Variants in VTI1A observed in about 807,000 individuals in gnomAD.
VTI1A encodes the protein vesicle transport through interaction with t-SNAREs 1A.
In VTI1A, 22 loss-of-function variants were observed where a neutral mutation model predicts 34.9. The ratio of observed to expected loss-of-function variants is 0.63; its 90% CI spans 0.45 to 0.90. The LOEUF is 0.90. Ranked by LOEUF, VTI1A falls within the 40% of genes least tolerant of loss-of-function variation. The pLI is 0.00. For synonymous variants in VTI1A, 87 were observed against 97.3 expected (o/e 0.89, Z 0.62); for missense variants, 268 against 275.6 (o/e 0.97, Z 0.20).
intron 7 of VTI1A, among the ~76,000 whole-genome samples, chr10:112,797,326 G>T (rs936281832): frequency 1.3e-5 from 2 of 152,160 alleles, no homozygotes; most frequent in African/African-American, 2.4e-5. Context: ...AGGAAGGGCC[G>T]TGACCGTGGC....
At chr10:112,836,666 G>A in the VTI1A span, among the ~76,000 whole-genome samples, 1 of 152,152 alleles carries the variant, frequency 6.6e-6, no homozygotes, top group South Asian at 2.1e-4. Context: ...TTCTCCTCTG[G>A]TTGACCTAAA....
At chr10:112,544,667 G>C (rs1231363093) in intron 5 of VTI1A, among the ~76,000 whole-genome samples, 1 of 152,088 alleles carries the variant, frequency 6.6e-6, no homozygotes, top group Non-Finnish European at 1.5e-5. Context: ...CCTTACATTG[G>C]CTAGTCAGGA....
rs76962614 is a variant in VTI1A, at chr10:112,800,494, T to G, written c.561-14796T>G. ...GGGAGATGGGTGAGTATGATAGGAG[T>G]GGAGTAATAATAGTTCCTATAGTTA... On this transcript the variant is annotated intron_variant, in intron 7 of 7. Coordinates refer to ENST00000393077, the MANE Select transcript of VTI1A (RefSeq NM_145206.4). Among the ~76,000 whole-genome samples the G allele has an allele frequency of 6.9e-3, 1,053 of 152,116 alleles. 5 individuals are homozygous for G. Among genetic ancestry groups the G allele is most frequent in the Non-Finnish European group, 0.012 (782 of 67,978 alleles).
At chr10:112,640,618 A>G (rs1425862625) in intron 5 of VTI1A, among the ~76,000 whole-genome samples, 2 of 152,190 alleles carry the variant, frequency 1.3e-5, no homozygotes, top group African/African-American at 4.8e-5. Flanking sequence ...AGGTTGTTGT[A>G]CTTTGTAAGT....
chr10:112,557,102 G>C (rs950569774), intron 5 of VTI1A, among the ~76,000 whole-genome samples: 18 of 151,930 alleles, frequency 1.2e-4, no homozygotes, highest in Admixed American at 7.2e-4. Context: ...TGGAAGAAAA[G>C]CTTTCCACAG....
At chr10:112,463,377 A>ATAAGAAT (rs1482302445) in intron 2 of VTI1A, among the ~76,000 whole-genome samples, 2 of 152,220 alleles carry the variant, frequency 1.3e-5, no homozygotes, top group Non-Finnish European at 2.9e-5. Flanking sequence ...TAAGTACATT[A>ATAAGAAT]TAAGAATTGC....
At chr10:112,833,321 A>G in the VTI1A span, among the ~76,000 whole-genome samples, 1 of 148,144 alleles carries the variant, frequency 6.8e-6, no homozygotes, top group East Asian at 2.0e-4. Flanking sequence ...TACATAGAGC[A>G]TCCTCATACC....
chr10:112,563,468 G>T (rs778474582), intron 5 of VTI1A, among the ~76,000 whole-genome samples: 1 of 151,998 alleles, frequency 6.6e-6, no homozygotes, highest in Non-Finnish European at 1.5e-5. Flanking sequence ...TAACCTTATC[G>T]CATACTTGGC....
At chr10:112,521,419 C>T (rs534298424) in intron 3 of VTI1A, among the ~76,000 whole-genome samples, 1 of 152,070 alleles carries the variant, frequency 6.6e-6, no homozygotes, top group East Asian at 1.9e-4. Flanking sequence ...GCCATGTATG[C>T]CTACTAGTTT....
At chr10:112,687,872 G>A (rs1848476228) in intron 7 of VTI1A, among the ~76,000 whole-genome samples, 1 of 151,612 alleles carries the variant, frequency 6.6e-6, no homozygotes, top group South Asian at 2.1e-4. Flanking sequence ...GCAGATCTGT[G>A]AGAAGGAAAT....
chr10:112,847,944 G>A, the VTI1A span, among the ~76,000 whole-genome samples: 12 of 152,176 alleles, frequency 7.9e-5, no homozygotes, highest in Admixed American at 6.5e-4. Context: ...ATCTTGGACA[G>A]TCAAGCACAC....
intron 7 of VTI1A, among the ~76,000 whole-genome samples, chr10:112,698,099 G>A (rs1025941110): frequency 1.3e-5 from 2 of 152,144 alleles, no homozygotes; most frequent in African/African-American, 2.4e-5. Context: ...TCAGCAAATA[G>A]TGTCAGATAT....
chr10:112,492,197 A>G (rs751964526), intron 3 of VTI1A, among the ~76,000 whole-genome samples: 6 of 152,150 alleles, frequency 3.9e-5, no homozygotes, highest in South Asian at 2.1e-4. Flanking sequence ...TTTCTTGTCA[A>G]TAAGGGGTAT....
chr10:112,668,033 C>T (rs1413265733), intron 5 of VTI1A, among the ~76,000 whole-genome samples, 185 bp from the exon 6 acceptor site: 4 of 151,984 alleles, frequency 2.6e-5, no homozygotes, highest in African/African-American at 9.7e-5. Flanking sequence ...TCTAATTATG[C>T]CTAAGATAAA....
intron 5 of VTI1A, among the ~76,000 whole-genome samples, chr10:112,561,710 A>G (rs761654064): frequency 9.9e-5 from 15 of 152,136 alleles, no homozygotes; most frequent in Non-Finnish European, 1.9e-4. Context: ...CTAGAATAAT[A>G]TAGGAACTCA....
chr10:112,581,287 A>C (rs1208439841), intron 5 of VTI1A, among the ~76,000 whole-genome samples: 1 of 152,134 alleles, frequency 6.6e-6, no homozygotes, highest in African/African-American at 2.4e-5. Flanking sequence ...TCCCATATTC[A>C]AGCCTAGGGG....
At chr10:112,582,873 A>G (rs1170185958) in intron 5 of VTI1A, among the ~76,000 whole-genome samples, 5 of 152,136 alleles carry the variant, frequency 3.3e-5, no homozygotes, top group Non-Finnish European at 7.3e-5. Flanking sequence ...GAAGAACACC[A>G]GTAAGTATCT....
At chr10:112,630,131 C>G (rs1366671895) in intron 5 of VTI1A, among the ~76,000 whole-genome samples, 1 of 152,130 alleles carries the variant, frequency 6.6e-6, no homozygotes, top group Non-Finnish European at 1.5e-5. Context: ...TTCTGACAGA[C>G]TTGATTATTA....
chr10:112,727,035 T>C (rs1850056051), intron 7 of VTI1A, among the ~76,000 whole-genome samples: 1 of 152,222 alleles, frequency 6.6e-6, no homozygotes, highest in Non-Finnish European at 1.5e-5. Context: ...TGCAAGCATA[T>C]GGTCCTTGGA....
Sources: allele counts gnomAD v4.1 joint callset (sites outside exome capture counted in the v4.1 genomes callset), GRCh38; gene constraint gnomAD v4.1.1; transcripts MANE v1.5; gene names NCBI Gene and HGNC (gene_info 2026-07-23, HGNC 2026-07-21).